Variants in SCAPER observed in about 807,000 individuals in gnomAD.
SCAPER encodes S phase cyclin A-associated protein in the endoplasmic reticulum.
SCAPER carries 98 observed loss-of-function variants against 182.2 expected under a neutral mutation model. That is an observed-to-expected ratio of 0.54 (90% CI 0.46 to 0.64). The LOEUF (loss-of-function observed/expected upper bound fraction) is 0.64. Among genes scored for constraint, SCAPER ranks in the 30% least tolerant of loss-of-function variants. The probability of loss-of-function intolerance (pLI) is 0.00; values close to 1 mark genes in which losing one functional copy is unlikely to be tolerated. For synonymous variants in SCAPER, 605 were observed against 564.6 expected (o/e 1.07, Z -1.01); for missense variants, 1,432 against 1,690.0 (o/e 0.85, Z 2.68).
intron 5 of SCAPER, among the ~76,000 whole-genome samples, chr15:76,829,999 T>G (rs2068317152): frequency 1.3e-5 from 2 of 152,218 alleles, no homozygotes; most frequent in African/African-American, 4.8e-5. Context: ...TATCATAGTC[T>G]GAAACGTAAG....
At chr15:76,592,172 C>A in intron 22 of SCAPER, among the ~76,000 whole-genome samples, 1 of 151,512 alleles carries the variant, frequency 6.6e-6, no homozygotes, top group African/African-American at 2.4e-5. Context: ...ATAGGTTCTA[C>A]ATATAGGTAT....
intron 21 of SCAPER, among the ~76,000 whole-genome samples, chr15:76,654,302 GGAGGCT>G (rs1402171519): frequency 2.6e-5 from 4 of 152,074 alleles, no homozygotes; most frequent in Non-Finnish European, 5.9e-5. Flanking sequence ...CAGCTACTCG[GGAGGCT>G]GAGGCAGGAG....
At chr15:76,621,066 C>A (rs1369400449) in intron 22 of SCAPER, among the ~76,000 whole-genome samples, 1 of 152,052 alleles carries the variant, frequency 6.6e-6, no homozygotes, top group Non-Finnish European at 1.5e-5. Context: ...GCACATTTTG[C>A]GCTATTCCAC....
chr15:76,462,246 A>C (rs747085658), intron 25 of SCAPER, among the ~76,000 whole-genome samples: 1 of 152,162 alleles, frequency 6.6e-6, no homozygotes, highest in Non-Finnish European at 1.5e-5. Flanking sequence ...CCAAGTGACT[A>C]TTCCCATCAG....
chr15:76,554,766 T>C (rs566650540), intron 23 of SCAPER, among the ~76,000 whole-genome samples: 1 of 150,528 alleles, frequency 6.6e-6, no homozygotes, highest in African/African-American at 2.4e-5. Context: ...GCAGAAGAGA[T>C]TGGGGGCCTA....
At chr15:76,528,145 A>G (rs2043346641) in intron 23 of SCAPER, among the ~76,000 whole-genome samples, 1 of 152,196 alleles carries the variant, frequency 6.6e-6, no homozygotes, top group African/African-American at 2.4e-5. Context: ...ATAAATGTAA[A>G]AGCCATTCTT....
chr15:76,765,531 T>A, intron 12 of SCAPER, 32 bp downstream of exon 12: 1 of 1,603,212 alleles, frequency 6.2e-7, no homozygotes, highest in Non-Finnish European at 8.5e-7. Context: ...TTGAACACTG[T>A]ACTACACACC....
chr15:76,576,054 C>T (rs952795832), intron 22 of SCAPER, among the ~76,000 whole-genome samples: 1 of 152,192 alleles, frequency 6.6e-6, no homozygotes, highest in African/African-American at 2.4e-5. Context: ...AAAACTTCTT[C>T]TTTACATTAA....
intron 22 of SCAPER, among the ~76,000 whole-genome samples, chr15:76,608,197 T>C (rs1261638548): frequency 1.3e-5 from 2 of 152,082 alleles, no homozygotes; most frequent in Non-Finnish European, 2.9e-5. Flanking sequence ...GGGTTTTTGG[T>C]GTGGATGTTC....
intron 26 of SCAPER, among the ~76,000 whole-genome samples, chr15:76,411,535 T>C (rs2045287744): frequency 1.3e-5 from 2 of 152,300 alleles, no homozygotes; most frequent in South Asian, 4.1e-4. Context: ...TGTTGATGGA[T>C]GTATATGTTA....
intron 26 of SCAPER, among the ~76,000 whole-genome samples, chr15:76,421,764 G>T (rs1167635655): frequency 2.6e-5 from 4 of 152,242 alleles, no homozygotes; most frequent in Admixed American, 1.3e-4. Context: ...GGTCTAACAT[G>T]TAAGTCTTTA....
chr15:76,436,265 A>G (rs937376761), intron 25 of SCAPER, among the ~76,000 whole-genome samples: 1 of 152,104 alleles, frequency 6.6e-6, no homozygotes, highest in Non-Finnish European at 1.5e-5. Flanking sequence ...ACAGGGTTTC[A>G]CCATGTTGGC....
intron 22 of SCAPER, among the ~76,000 whole-genome samples, chr15:76,618,720 C>T (rs868309379): frequency 3.2e-4 from 49 of 152,112 alleles, no homozygotes; most frequent in Middle Eastern, 6.8e-3. Context: ...CAACTTATTA[C>T]TTGAGAGTTT....
rs536211939 is a variant in SCAPER at position 76,499,021 on chromosome 15, A to C, written c.2954+5838T>G. 6.7e-4 allele frequency among the ~76,000 whole-genome samples: 102 copies of C among 152,306 alleles called. No homozygotes were observed. The Middle Eastern group carries it at 0.014, about 20-fold the overall frequency. On this transcript the variant is annotated intron_variant, in intron 24 of 31. Transcript: ENST00000563290. ...ACAAAAAAGAATTATTTTTCCTATT[A>C]GTTTAAAATGGGGCAATCTTATACC...
At chr15:76,894,063 C>A (rs958199384) in intron 1 of SCAPER, among the ~76,000 whole-genome samples, 1 of 152,120 alleles carries the variant, frequency 6.6e-6, no homozygotes, top group African/African-American at 2.4e-5. Context: ...CCAGCCTGGC[C>A]AACATGGTGA....
chr15:76,812,294 A>G (rs1355822470), intron 5 of SCAPER, among the ~76,000 whole-genome samples: 1 of 152,108 alleles, frequency 6.6e-6, no homozygotes, highest in Non-Finnish European at 1.5e-5. Flanking sequence ...AGCCTGGGTG[A>G]CAAAGCGAGA....
intron 21 of SCAPER, among the ~76,000 whole-genome samples, chr15:76,632,575 T>C (rs1210246365): frequency 6.6e-6 from 1 of 152,124 alleles, no homozygotes; most frequent in Non-Finnish European, 1.5e-5. Flanking sequence ...AAGTTCATTA[T>C]TACCCATCTT....
chr15:76,558,982 T>C (rs974660897), intron 23 of SCAPER, among the ~76,000 whole-genome samples: 8 of 151,968 alleles, frequency 5.3e-5, no homozygotes, highest in African/African-American at 1.7e-4. Context: ...AACTGAACCA[T>C]AGAGGTGGTT....
At position 76,893,736 on chromosome 15, in the gene SCAPER, G is replaced by A. The variant is rs568482266; in HGVS notation, c.-59-9860C>T. 2.0e-5 allele frequency among the ~76,000 whole-genome samples: 3 copies of A among 152,056 alleles called. No homozygotes were observed. The South Asian group carries it at 6.2e-4, about 32-fold the overall frequency. ...ATCAAGTATCTTTTCTGACCACAAT[G>A]GTATAAAGCTAGAAATAACAGGAAG... On this transcript the variant is annotated intron_variant, in intron 1 of 31. Coordinates refer to ENST00000563290, the MANE Select transcript of SCAPER (RefSeq NM_020843.4).
Sources: gnomAD v4.1 joint callset for allele counts (sites outside exome capture counted in the v4.1 genomes callset) on GRCh38, gnomAD v4.1.1 for gene constraint, MANE v1.5 for transcripts, NCBI Gene and HGNC (gene_info 2026-07-23, HGNC 2026-07-21) for gene names.